Variants in RARS1 observed in about 807,000 individuals in gnomAD.
The protein encoded by RARS1 is arginyl-tRNA synthetase 1.
Under a neutral mutation model 78.7 loss-of-function variants are expected in RARS1, and 75 were observed. That is an observed-to-expected ratio of 0.95 (90% CI 0.79 to 1.15). The LOEUF is 1.15. Ranked by LOEUF, RARS1 falls within the 50% of genes most tolerant of loss-of-function variation. The pLI, the probability that RARS1 is intolerant of heterozygous loss-of-function variation, is 0.00. For missense variants in RARS1, 787 were observed against 787.5 expected (o/e 1.00, Z 0.01); for synonymous variants, 273 against 268.2 (o/e 1.02, Z -0.18).
At chr5:168,501,449 G>C (rs922315817) in intron 8 of RARS1, among the ~76,000 whole-genome samples, 6 of 152,098 alleles carry the variant, frequency 3.9e-5, no homozygotes, top group African/African-American at 1.4e-4. Context: ...TATACAAGAA[G>C]GACATGTTCC....
chr5:168,491,906 A>T (rs986415894), intron 2 of RARS1, among the ~76,000 whole-genome samples: 6 of 150,964 alleles, frequency 4.0e-5, no homozygotes, highest in African/African-American at 7.3e-5. Flanking sequence ...GTGTATAGGC[A>T]GCATGTTTAT....
chr5:168,500,872 A>G (rs1187632905), intron 8 of RARS1, 152 bp downstream of exon 8: 6 of 1,010,672 alleles, frequency 5.9e-6, no homozygotes, highest in Non-Finnish European at 2.7e-6. Flanking sequence ...ACAACCAATA[A>G]ATTTTGAACC....
intron 12 of RARS1, among the ~76,000 whole-genome samples, chr5:168,514,753 C>A (rs1280738396): frequency 6.6e-6 from 1 of 152,182 alleles, no homozygotes; most frequent in African/African-American, 2.4e-5. Context: ...TGACCTTTTT[C>A]TAGTCTAAGA....
rs528829400 is a variant in RARS1 at position 168,506,072 on chromosome 5, C to A, written c.1109C>A (p.Ser370Tyr). ...GRKIVFVPGC[S>Y]IPLTIVKSDG... ...AAGATTGTATTTGTCCCAGGGTGTTCCATACCATTAACCATAGTAAAATCA... is the reference window on the plus strand; with the variant it reads ...AAGATTGTATTTGTCCCAGGGTGTTACATACCATTAACCATAGTAAAATCA... Residue 370 changes from serine (S) to tyrosine (Y), a missense_variant, in exon 10 of 15, where the codon TCC becomes TAC. Ser to Tyr is a moderately radical substitution (Grantham distance 144). Transcript: ENST00000231572. 3 of 1,607,452 alleles carry A rather than the reference C, an allele frequency of 1.9e-6. No homozygotes were observed. In the Admixed American group the frequency reaches 5.1e-5, roughly 27 times the overall value.
At chr5:168,491,543 T>G (rs1331914624) in intron 2 of RARS1, among the ~76,000 whole-genome samples, 1 of 152,222 alleles carries the variant, frequency 6.6e-6, no homozygotes, top group Non-Finnish European at 1.5e-5. Flanking sequence ...GAATATAATT[T>G]CTTCATATGA....
intron 12 of RARS1, among the ~76,000 whole-genome samples, chr5:168,511,220 A>G (rs1758558071): frequency 1.3e-5 from 2 of 148,496 alleles, no homozygotes; most frequent in South Asian, 4.2e-4. Context: ...TTTTAAGTTT[A>G]GAGCAGTAGA....
chr5:168,501,227 C>T (rs1046170353), intron 8 of RARS1, among the ~76,000 whole-genome samples: 16 of 152,012 alleles, frequency 1.1e-4, no homozygotes, highest in Middle Eastern at 6.3e-3. Context: ...TTGAAAAAGA[C>T]GATTAATGAT....
rs569705599 is a variant in RARS1, at chr5:168,488,887, G to A, written c.180+151G>A. On this transcript the variant is annotated intron_variant, in intron 2 of 14. Transcript: ENST00000231572. Reference sequence around the variant, plus strand: ...TCTTTTCCCTGCATTAGACAACTTAGGACTGAGGTAGTTGGTGCAAATAGT... The same window carrying A: ...TCTTTTCCCTGCATTAGACAACTTAAGACTGAGGTAGTTGGTGCAAATAGT... 5.4e-4 allele frequency: 495 copies of A among 908,682 alleles called. 4 individuals are homozygous for A. The South Asian group carries it at 6.8e-3, about 12-fold the overall frequency. 56.3% of individuals were successfully genotyped at this position (908,682 alleles called of 1,614,324 possible).
At chr5:168,514,060 T>C (rs1758618138) in intron 12 of RARS1, among the ~76,000 whole-genome samples, 1 of 152,206 alleles carries the variant, frequency 6.6e-6, no homozygotes, top group African/African-American at 2.4e-5. Context: ...GCTACCATAG[T>C]TTCCTTTGAA....
chr5:168,490,140 A>G (rs1758051550), intron 2 of RARS1, among the ~76,000 whole-genome samples: 1 of 152,114 alleles, frequency 6.6e-6, no homozygotes, highest in Non-Finnish European at 1.5e-5. Context: ...GTGATCTGCT[A>G]TGCTCGAGTC....
chr5:168,489,913 C>G (rs180735453), intron 2 of RARS1, among the ~76,000 whole-genome samples: 1 of 150,716 alleles, frequency 6.6e-6, no homozygotes, highest in East Asian at 2.0e-4. Context: ...CTCCCAGGTT[C>G]AAGCAATTCT....
chr5:168,489,089 C>T (rs1383000626), intron 2 of RARS1, among the ~76,000 whole-genome samples: 2 of 152,246 alleles, frequency 1.3e-5, no homozygotes, highest in East Asian at 1.9e-4. Flanking sequence ...GGCATCATCA[C>T]GGCTCAGTAC....
At chr5:168,516,348 ATC>A (rs749801508) in intron 12 of RARS1, among the ~76,000 whole-genome samples, 2 of 152,256 alleles carry the variant, frequency 1.3e-5, no homozygotes, top group Non-Finnish European at 2.9e-5. Flanking sequence ...GGGTTCTTTT[ATC>A]TACTCTTAAT....
intron 12 of RARS1, among the ~76,000 whole-genome samples, chr5:168,515,488 G>A (rs2113034409): frequency 6.6e-6 from 1 of 152,298 alleles, no homozygotes; most frequent in South Asian, 2.1e-4. Context: ...TTTTTAGAAA[G>A]ATTTATTTGT....
intron 13 of RARS1, 148 bp from the exon 14 acceptor site, chr5:168,517,667 T>C: frequency 2.0e-6 from 2 of 1,010,330 alleles, no homozygotes; most frequent in Non-Finnish European, 2.7e-6. Context: ...ATCTGGCTAT[T>C]AGTTTTGCCT....
At chr5:168,506,854 T>C in intron 11 of RARS1, 23 bp downstream of exon 11, 3 of 1,535,180 alleles carry the variant, frequency 2.0e-6, no homozygotes, top group Non-Finnish European at 2.7e-6. Flanking sequence ...AATCTGAAGA[T>C]GGTAATGATA....
At chr5:168,509,933 T>A (rs953124832) in intron 11 of RARS1, among the ~76,000 whole-genome samples, 6 of 152,164 alleles carry the variant, frequency 3.9e-5, no homozygotes, top group African/African-American at 9.7e-5. Flanking sequence ...GTCATACTAC[T>A]TCACTCCAGC....
chr5:168,511,085 A>G (rs1758554987), intron 12 of RARS1, among the ~76,000 whole-genome samples: 1 of 152,144 alleles, frequency 6.6e-6, no homozygotes, highest in Non-Finnish European at 1.5e-5. Flanking sequence ...ACCCAAGGCC[A>G]TTGATGAACC....
At chr5:168,512,762 T>G (rs1758591212) in intron 12 of RARS1, among the ~76,000 whole-genome samples, 1 of 152,162 alleles carries the variant, frequency 6.6e-6, no homozygotes, top group South Asian at 2.1e-4. Context: ...GGCAGCTGAT[T>G]AGATGCTGCC....
Sources: gnomAD v4.1 joint callset for allele counts (sites outside exome capture counted in the v4.1 genomes callset) on GRCh38, gnomAD v4.1.1 for gene constraint, MANE v1.5 for transcripts, NCBI Gene and HGNC (gene_info 2026-07-23, HGNC 2026-07-21) for gene names.